Variants in FBXL6 observed in about 807,000 individuals in gnomAD.
FBXL6 encodes F-box/LRR-repeat protein 6.
Under a neutral mutation model 53.3 loss-of-function variants are expected in FBXL6, and 50 were observed. The observed-to-expected ratio is 0.94, with a 90% CI of 0.75 to 1.19. The LOEUF is 1.19. FBXL6 is among the 50% of genes most tolerant of loss of function. The pLI, the probability that FBXL6 is intolerant of heterozygous loss-of-function variation, is 0.00. For missense variants in FBXL6, 815 were observed against 719.0 expected (o/e 1.13, Z -1.53); for synonymous variants, 405 against 322.9 (o/e 1.25, Z -2.73).
In FBXL6 at chr8:144,356,108, T is replaced by C; in HGVS notation, c.1332A>G (p.Glu444=). 1.2e-6 allele frequency: 2 copies of C among 1,612,932 alleles called. No homozygotes were observed. Among genetic ancestry groups the C allele is most frequent in the Non-Finnish European group, 1.7e-6 (2 of 1,180,010 alleles). ...LTQKWCHTLR[E]LDLSGQGFSE... is the part of the protein sequence containing the mutation. ...TGAACCCCTGGCCACTCAAGTCCAG[T>C]TCTCGCAGTGTATGGCACCACTTCT... Residue 444 remains glutamate, a synonymous_variant, in exon 8 of 9, where the codon GAA becomes GAG. Transcript: ENST00000331890.
intron 5 of FBXL6, 24 bp downstream of exon 5, chr8:144,356,784 C>G: frequency 6.2e-7 from 1 of 1,612,904 alleles, no homozygotes; most frequent in Non-Finnish European, 8.5e-7. Flanking sequence ...GCATCTGCCT[C>G]TGCTCCCACC....
Position 144,356,532 on chromosome 8 carries a change from C to A in FBXL6, c.994-1G>T. On this transcript the variant is annotated splice_acceptor_variant, in intron 6 of 8. Coordinates refer to ENST00000331890, the MANE Select transcript of FBXL6 (RefSeq NM_012162.4). LOFTEE classifies it high-confidence loss of function. ...ACATCAGGTTCAACAGCCGCAGCAC[C>A]TGGGGGCAAGGTCCAGGCTGTAGAT... The A allele has an allele frequency of 6.2e-7, 1 of 1,612,984 alleles. No individual in the cohort carries two copies. Among genetic ancestry groups the A allele is most frequent in the Non-Finnish European group, 8.5e-7 (1 of 1,179,946 alleles).
Position 144,358,261 on chromosome 8 carries a change from C to T in FBXL6, c.187G>A (p.Ala63Thr). The change falls in exon 1 of 9, where the codon GCT becomes ACT. Residue 63 changes from alanine (A) to threonine (T), a missense_variant. Physicochemically the swap from Ala to Thr is moderately conservative, Grantham distance 58. Transcript: ENST00000331890. Reference protein sequence around the residue: ...GPARPRAQRRASRRTPRQPPR... With the variant: ...GPARPRAQRRTSRRTPRQPPR... The stretch of plus-strand genomic sequence containing the variant: ...GGCTGCCGGGGAGTGCGGCGGGAAG[C>T]GCGCCGCTGTGCGCGGGGCCGGGCG... The T allele has an allele frequency of 8.2e-7, 1 of 1,220,372 alleles. No homozygotes were observed. Among genetic ancestry groups the T allele is most frequent in the African/African-American group, 1.6e-5 (1 of 63,942 alleles). The allele number at this position is 1,220,372 out of a possible 1,614,324, so 75.6% of individuals were successfully genotyped here.
At position 144,357,485 on chromosome 8, in the gene FBXL6, C is replaced by T. The variant is rs1178660944; in HGVS notation, c.593G>A (p.Arg198Lys). The T allele has an allele frequency of 1.9e-6, 3 of 1,613,394 alleles. No individual in the cohort carries two copies. The highest frequency in any genetic ancestry group is 2.5e-6 in the Non-Finnish European group (3 of 1,179,894). Residue 198 changes from arginine (R) to lysine (K), a missense_variant, in exon 3 of 9, where the codon AGG (arginine) becomes AAG (lysine). Coordinates refer to ENST00000331890, the MANE Select transcript of FBXL6 (RefSeq NM_012162.4). ...LMPNRFSQLQ[R>K]LTLIHWKSQV... ...AGACTTCCAGTGGATGAGGGTCAGC[C>T]TCTGGAGCTGTGAAAACCTGGGCCG...
In FBXL6 at chr8:144,355,543, G is replaced by C; in HGVS notation, c.1608C>G (p.Pro536=). The change falls in exon 9 of 9, where the codon CCC becomes CCG. Residue 536 remains proline, a synonymous_variant. Transcript: ENST00000331890. ...QWCLEQLLTS[P]SPS is the part of the protein sequence containing the mutation. The stretch of plus-strand genomic sequence containing the variant: ...GGTCTGTGGCTGCCTAGCTGGGTGA[G>C]GGGCTGGTGAGCAGCTGCTCCAGAC... The C allele has an allele frequency of 6.2e-7, 1 of 1,609,640 alleles. No individual in the cohort carries two copies. Among genetic ancestry groups the C allele is most frequent in the Non-Finnish European group, 8.5e-7 (1 of 1,178,544 alleles).
In FBXL6 at chr8:144,356,293, T is replaced by A. The variant is rs4993862; in HGVS notation, c.1225+7A>T. The A allele has an allele frequency of 3.7e-4, 525 of 1,423,844 alleles. 10 individuals are homozygous for A. The highest frequency in any genetic ancestry group is 5.2e-4 in the Middle Eastern group (3 of 5,734). 88.2% of individuals were successfully genotyped at this position (1,423,844 alleles called of 1,614,324 possible). The stretch of plus-strand genomic sequence containing the variant: ...CACCCGCCCGGCCACCACCCAGGAC[T>A]GCTGACCCCGACATGGCAGATCCTG... On this transcript the variant is annotated splice_region_variant and intron_variant, in intron 7 of 8. Transcript: ENST00000331890.
At position 144,356,221 on chromosome 8, in the gene FBXL6, T is replaced by C. The variant is rs781881506; in HGVS notation, c.1226-7A>G. On this transcript the variant is annotated splice_region_variant and splice_polypyrimidine_tract_variant and intron_variant, in intron 7 of 8. Coordinates refer to ENST00000331890, the MANE Select transcript of FBXL6 (RefSeq NM_012162.4). ...AGATGAAGCTGCTCCAGCTCTGCAG[T>C]GAAAGGAGTGAGCATAAGCTACAAG... 1 of 1,264,736 alleles carries C rather than the reference T, an allele frequency of 7.9e-7. No individual in the cohort carries two copies. Among genetic ancestry groups the C allele is most frequent in the Non-Finnish European group, 1.0e-6 (1 of 998,062 alleles). 78.3% of individuals were successfully genotyped at this position (1,264,736 alleles called of 1,614,324 possible).
intron 1 of FBXL6, 57 bp downstream of exon 1, chr8:144,357,975 C>A (rs1818544737): frequency 6.6e-7 from 1 of 1,522,804 alleles, no homozygotes; most frequent in Admixed American, 2.2e-5. Context: ...GGCCACCGCT[C>A]GGACCACGTC....
chr8:144,355,440 T>C lies in FBXL6; in HGVS notation c.*91A>G. 6.4e-6 allele frequency: 10 copies of C among 1,550,520 alleles called. No homozygotes were observed. The highest frequency in any genetic ancestry group is 8.8e-6 in the Non-Finnish European group (10 of 1,140,148). On this transcript the variant is annotated 3_prime_UTR_variant, in exon 9 of 9. Coordinates refer to ENST00000331890, the MANE Select transcript of FBXL6 (RefSeq NM_012162.4). ...ACCACACACACAGAACTCCTAAAAA[T>C]GTTTTATTTTAACAAAATGCTCAAA...
intron 1 of FBXL6, 21 bp downstream of exon 1, chr8:144,358,011 C>T (rs1554853337): frequency 6.3e-7 from 1 of 1,575,340 alleles, no homozygotes; most frequent in South Asian, 1.1e-5. Context: ...CGCTCGGCGG[C>T]GGGCCCGGCA....
rs1405973479 is a variant in FBXL6 at position 144,358,087 on chromosome 8, C to A, written c.361G>T (p.Val121Leu). The change falls in exon 1 of 9, where the codon GTG becomes TTG. Residue 121 changes from valine (V) to leucine (L), a missense_variant. Coordinates refer to ENST00000331890, the MANE Select transcript of FBXL6 (RefSeq NM_012162.4). ...WGDRIPLEIL[V>L]QIFGLLVAAD... ...GCCACCAACAACCCGAAAATCTGCACCAGGATTTCCAAGGGAATGCGGTCT... is the reference window on the plus strand; with the variant it reads ...GCCACCAACAACCCGAAAATCTGCAACAGGATTTCCAAGGGAATGCGGTCT... 20 of 1,598,644 alleles carry A rather than the reference C, an allele frequency of 1.3e-5. No individual in the cohort carries two copies. The African/African-American group carries it at 2.3e-4, about 19-fold the overall frequency.
chr8:144,356,070 AG>A lies in FBXL6; in HGVS notation c.1369del (p.Leu457TrpfsTer9), dbSNP rs782449823. 216 of 1,612,880 alleles carry A rather than the reference AG, an allele frequency of 1.3e-4. No homozygotes were observed. Among genetic ancestry groups the A allele is most frequent in the Non-Finnish European group, 1.8e-4 (209 of 1,180,028 alleles). On this transcript the variant is annotated frameshift_variant, in exon 8 of 9. Coordinates refer to ENST00000331890, the MANE Select transcript of FBXL6 (RefSeq NM_012162.4). LOFTEE classifies it high-confidence loss of function. Reference protein sequence around the residue: ...LSGQGFSEKDLEQALAAFLST... With the variant: ...LSGQGFSEKDXEQALAAFLST... ...TAAGAAGGCAGCCAGGGCCTGCTCC[AG>A]GTCCTTCTCACTGAACCCCTGGCCA...
chr8:144,357,513 A>AGCG lies in FBXL6; in HGVS notation c.576-14_576-12dup. On this transcript the variant is annotated splice_polypyrimidine_tract_variant and intron_variant, in intron 2 of 8. Coordinates refer to ENST00000331890, the MANE Select transcript of FBXL6 (RefSeq NM_012162.4). Reference sequence around the variant, plus strand: ...TGGAGCTGTGAAAACCTGGGCCGACAGCGGAGGCAGAGCTGCACTAATGTT... The same window carrying AGCG: ...TGGAGCTGTGAAAACCTGGGCCGACAGCGGCGGAGGCAGAGCTGCACTAATGTT... 1 of 1,613,406 alleles carries AGCG rather than the reference A, an allele frequency of 6.2e-7. No individual in the cohort carries two copies. Among genetic ancestry groups the AGCG allele is most frequent in the East Asian group, 2.2e-5 (1 of 44,890 alleles).
At chr8:144,357,946 C>A in intron 1 of FBXL6, 86 bp downstream of exon 1, 3 of 1,462,708 alleles carry the variant, frequency 2.1e-6, no homozygotes, top group Non-Finnish European at 2.7e-6. Flanking sequence ...CCGATGCTTT[C>A]GCCCTCCGCC....
Position 144,356,031 on chromosome 8 carries a change from C to G in FBXL6, c.1409G>C (p.Gly470Ala). Residue 470 changes from glycine to alanine, a missense_variant, in exon 8 of 9, where the codon GGC becomes GCC. Physicochemically the swap from Gly to Ala is moderately conservative, Grantham distance 60. Coordinates refer to ENST00000331890, the MANE Select transcript of FBXL6 (RefSeq NM_012162.4). Reference sequence around the variant, plus strand: ...AAGAGAGCACAGGGCTGGGTGTGAGCCCCCAGGGGTGCTTAAGAAGGCAGC... The same window carrying G: ...AAGAGAGCACAGGGCTGGGTGTGAGGCCCCAGGGGTGCTTAAGAAGGCAGC... ...ALAAFLSTPG[G>A]SHPALCSLNL... 1 of 1,613,018 alleles carries G rather than the reference C, an allele frequency of 6.2e-7. No individual in the cohort carries two copies. Among genetic ancestry groups the G allele is most frequent in the African/African-American group, 1.3e-5 (1 of 75,036 alleles).
chr8:144,357,154 G>A (rs1215805265), intron 3 of FBXL6, 33 bp from the exon 4 acceptor site: 1 of 1,611,894 alleles, frequency 6.2e-7, no homozygotes, highest in Non-Finnish European at 8.5e-7. Context: ...CTGGGGTTGG[G>A]AGACGACAGG....
chr8:144,356,294 G>GGCACGGCACAAGGGCCCCCACAC lies in FBXL6; in HGVS notation c.1225+5_1225+6insGTGTGGGGGCCCTTGTGCCGTGC. 1 of 1,595,238 alleles carries GGCACGGCACAAGGGCCCCCACAC rather than the reference G, an allele frequency of 6.3e-7. No homozygotes were observed. Among genetic ancestry groups the GGCACGGCACAAGGGCCCCCACAC allele is most frequent in the Admixed American group, 1.7e-5 (1 of 59,404 alleles). On this transcript the variant is annotated splice_donor_region_variant and intron_variant, in intron 7 of 8. Transcript: ENST00000331890. Reference sequence around the variant, plus strand: ...ACCCGCCCGGCCACCACCCAGGACTGCTGACCCCGACATGGCAGATCCTGA... The same window carrying GGCACGGCACAAGGGCCCCCACAC: ...ACCCGCCCGGCCACCACCCAGGACTGGCACGGCACAAGGGCCCCCACACCTGACCCCGACATGGCAGATCCTGA...
chr8:144,355,446 A>G lies in FBXL6; in HGVS notation c.*85T>C, dbSNP rs1554852490. 1.3e-6 allele frequency: 2 copies of G among 1,562,822 alleles called. No homozygotes were observed. Among genetic ancestry groups the G allele is most frequent in the African/African-American group, 1.4e-5 (1 of 73,656 alleles). ...CACACAGAACTCCTAAAAATGTTTT[A>G]TTTTAACAAAATGCTCAAATATCTG... On this transcript the variant is annotated 3_prime_UTR_variant, in exon 9 of 9. Coordinates refer to ENST00000331890, the MANE Select transcript of FBXL6 (RefSeq NM_012162.4).
rs1554852996 is a variant in FBXL6, at chr8:144,357,012, C to A, written c.749G>T (p.Ser250Ile). ...CACCATGGAGTGCTGTAGGTCCAGG[C>A]TATGGAGCTGGCAGCAGGCTTTGGC... is the stretch of plus-strand genomic sequence containing the variant. ...MLAKACCQLH[S>I]LDLQHSMVES... is the part of the protein sequence containing the mutation. The change falls in exon 4 of 9, where the codon AGC becomes ATC. Residue 250 changes from serine (S) to isoleucine (I), a missense_variant. Transcript: ENST00000331890. 3 of 1,613,012 alleles carry A rather than the reference C, an allele frequency of 1.9e-6. No homozygotes were observed. The highest frequency in any genetic ancestry group is 1.7e-5 in the Admixed American group (1 of 60,010).
Sources: allele counts gnomAD v4.1 joint callset, GRCh38; gene constraint gnomAD v4.1.1; transcripts MANE v1.5; gene names NCBI Gene and HGNC (gene_info 2026-07-23, HGNC 2026-07-21).